The following CFAP65 variants were observed in gnomAD, a reference collection of about 807,000 sequenced individuals.
CFAP65 encodes the protein cilia- and flagella-associated protein 65.
Under a neutral mutation model 208.0 loss-of-function variants are expected in CFAP65, and 155 were observed. That is an observed-to-expected ratio of 0.75 (90% confidence interval 0.65 to 0.85). The LOEUF is 0.85. Among genes scored for constraint, CFAP65 ranks in the 40% least tolerant of loss-of-function variants. CFAP65 has a pLI of 0.00. For synonymous variants in CFAP65, 970 were observed against 986.3 expected, an observed-to-expected ratio of 0.98 and a Z score of 0.31; for missense variants, 2,294 against 2,451.3, an observed-to-expected ratio of 0.94 and a Z score of 1.36.
chr2:219,011,494 C>T (rs1946483181), intron 24 of CFAP65, among the ~76,000 whole-genome samples: 1 of 152,028 alleles, frequency 6.6e-6, no homozygotes, highest in Non-Finnish European at 1.5e-5. Context: ...GTTGGCCAGG[C>T]TGGTCTTGAA....
Position 219,031,423 on chromosome 2 carries a change from C to T in CFAP65, c.815+66G>A. On this transcript the variant is annotated intron_variant, in intron 7 of 34. Transcript: ENST00000341552. This position sits in a 1 kb window ranked among gnomAD's most constrained non-coding sequence, Gnocchi z 5.2. The stretch of plus-strand genomic sequence containing the variant: ...TACCCCGACAAGGGTATGCCTGTCT[C>T]TCCTGCTTCCAGACACCCTCCTCAC... 2.5e-6 allele frequency: 4 copies of T among 1,607,458 alleles called. No individual in the cohort carries two copies. Among genetic ancestry groups the T allele is most frequent in the Non-Finnish European group, 3.4e-6 (4 of 1,178,738 alleles).
rs115858652 is a variant in CFAP65 at position 219,011,216 on chromosome 2, G to A, written c.3958-220C>T. On this transcript the variant is annotated intron_variant, in intron 24 of 34. Coordinates refer to ENST00000341552, the MANE Select transcript of CFAP65 (RefSeq NM_194302.4). Reference sequence around the variant, plus strand: ...CTGTAATCTTATTTGTAAAGGAGTAGCTTATTTTATTTGTCTTCAGTTTAA... The same window carrying A: ...CTGTAATCTTATTTGTAAAGGAGTAACTTATTTTATTTGTCTTCAGTTTAA... Among the ~76,000 whole-genome samples the A allele has an allele frequency of 9.2e-3, 1,382 of 149,662 alleles. 18 individuals carry two copies. Among genetic ancestry groups the A allele is most frequent in the Non-Finnish European group, 0.013 (874 of 67,468 alleles).
chr2:219,010,231 T>C, intron 26 of CFAP65, 146 bp from the exon 27 acceptor site: 1 of 737,912 alleles, frequency 1.4e-6, no homozygotes, highest in Non-Finnish European at 2.1e-6. Flanking sequence ...TTTGACACCT[T>C]TCAACACCCC....
chr2:219,027,508 G>A, intron 13 of CFAP65, 142 bp downstream of exon 13: 5 of 1,601,908 alleles, frequency 3.1e-6, no homozygotes, highest in Non-Finnish European at 4.3e-6. Context: ...AAACTCATAG[G>A]GGTCACTGTC....
Position 219,032,668 on chromosome 2 carries a change from G to A in CFAP65, c.543-96C>T, listed in dbSNP as rs781464832. ...GGAAGCCCTGCAGCCAAGGGAGCTT[G>A]AGTCCCTGGGACCACAGAGAAAGCG... On this transcript the variant is annotated intron_variant, in intron 5 of 34. Coordinates refer to ENST00000341552, the MANE Select transcript of CFAP65 (RefSeq NM_194302.4). This position sits in a 1 kb window ranked among gnomAD's most constrained non-coding sequence, Gnocchi z 5.5. The A allele has an allele frequency of 7.7e-6, 8 of 1,036,646 alleles. No individual in the cohort carries two copies. The highest frequency in any genetic ancestry group is 1.1e-5 in the Non-Finnish European group (8 of 703,656). The allele number at this position is 1,036,646 out of a possible 1,614,324, so 64.2% of individuals were successfully genotyped here.
At position 219,003,192 on chromosome 2, in the gene CFAP65, TC is replaced by T; in HGVS notation, c.5635del (p.Glu1879ArgfsTer22). On this transcript the variant is annotated frameshift_variant, in exon 34 of 35. Coordinates refer to ENST00000341552, the MANE Select transcript of CFAP65 (RefSeq NM_194302.4). LOFTEE classifies it high-confidence loss of function. The surrounding 1 kb of genome is among the most constrained non-coding windows in gnomAD (Gnocchi z 4.4). ...QNILVEASRG[E>X]VVLTSRPRVI... Reference sequence around the variant, plus strand: ...GCGTGGCCGCGAGGTGAGTACCACCTCCCCGCGGCTCGCCTCCACCAGGATG... The same window carrying T: ...GCGTGGCCGCGAGGTGAGTACCACCTCCCGCGGCTCGCCTCCACCAGGATG... 6.5e-7 allele frequency: 1 copy of T among 1,548,264 alleles called. No individual in the cohort carries two copies. Among genetic ancestry groups the T allele is most frequent in the African/African-American group, 1.4e-5 (1 of 73,074 alleles).
At position 219,009,913 on chromosome 2, in the gene CFAP65, G is replaced by C. The variant is rs767640459; in HGVS notation, c.4452+29C>G. 5 of 1,587,032 alleles carry C rather than the reference G, an allele frequency of 3.2e-6. No homozygotes were observed. In the Admixed American group the frequency reaches 8.8e-5, roughly 28 times the overall value. On this transcript the variant is annotated intron_variant, in intron 27 of 34. Coordinates refer to ENST00000341552, the MANE Select transcript of CFAP65 (RefSeq NM_194302.4). The stretch of plus-strand genomic sequence containing the variant: ...GGTTGGATGGGTCTGGAGCTCTGAT[G>C]GAGGTTCCAGGGCTCAGGGGACTCT...
At chr2:219,036,317 C>T (rs1948355695) in intron 4 of CFAP65, among the ~76,000 whole-genome samples, 1 of 152,178 alleles carries the variant, frequency 6.6e-6, no homozygotes, top group Non-Finnish European at 1.5e-5. Context: ...TATCCATCAC[C>T]CCTTTCTAGA....
rs772721842 is a variant in CFAP65 at position 219,021,758 on chromosome 2, G to A, written c.3130+22C>T. The stretch of plus-strand genomic sequence containing the variant: ...CCTCCTCCCACCTCCCCTGGCCCCA[G>A]TCCCAGCTCAGGCCCAAGTACCGAG... On this transcript the variant is annotated intron_variant, in intron 18 of 34. Transcript: ENST00000341552. 6.8e-6 allele frequency: 11 copies of A among 1,612,282 alleles called. No homozygotes were observed. The South Asian group carries it at 1.2e-4, about 18-fold the overall frequency.
chr2:219,029,764 C>G, intron 10 of CFAP65, 96 bp from the exon 11 acceptor site: 1 of 1,475,338 alleles, frequency 6.8e-7, no homozygotes, highest in East Asian at 2.3e-5. Context: ...GCTACAGGCC[C>G]AGAGCCCTGG....
Position 219,030,184 on chromosome 2 carries a change from T to C in CFAP65, c.1186A>G (p.Ile396Val), listed in dbSNP as rs1394918465. 3.1e-6 allele frequency: 5 copies of C among 1,613,854 alleles called. No individual in the cohort carries two copies. Among genetic ancestry groups the C allele is most frequent in the Admixed American group, 1.7e-5 (1 of 59,990 alleles). Reference sequence around the variant, plus strand: ...TCTTCGGCCAGTTCATCCGGGGAAATTTCAATCCTGAAGGGGGCATTTACC... The same window carrying C: ...TCTTCGGCCAGTTCATCCGGGGAAACTTCAATCCTGAAGGGGGCATTTACC... ...SAVNAPFRIEISPDELAEDQA... is the reference protein window; with the variant it reads ...SAVNAPFRIEVSPDELAEDQA... Residue 396 changes from isoleucine (I) to valine (V), a missense_variant, in exon 10 of 35, where the codon ATT (isoleucine) becomes GTT (valine). Transcript: ENST00000341552.
At position 219,028,248 on chromosome 2, in the gene CFAP65, TCTC is replaced by T. The variant is rs775415353; in HGVS notation, c.1801_1803del (p.Glu601del). The T allele has an allele frequency of 5.7e-4, 912 of 1,614,004 alleles. 6 individuals carry two copies. The highest frequency in any genetic ancestry group is 1.3e-3 in the South Asian group (122 of 91,076). On this transcript the variant is annotated inframe_deletion, in exon 12 of 35. Coordinates refer to ENST00000341552, the MANE Select transcript of CFAP65 (RefSeq NM_194302.4). Reference sequence around the variant, plus strand: ...CCGTTCTGGTCCTGTGCCAGCTTCTTCTCCTTCAGCATGGCATCCAGGATGTCA... The same window carrying T: ...CCGTTCTGGTCCTGTGCCAGCTTCTTCTTCAGCATGGCATCCAGGATGTCA...
intron 17 of CFAP65, 47 bp from the exon 18 acceptor site, chr2:219,021,977 C>T (rs1349591189): frequency 1.0e-5 from 16 of 1,606,728 alleles, no homozygotes; most frequent in Admixed American, 1.7e-5. Context: ...CCTCCAGGCC[C>T]ACAGCCCCAC....
rs1168981243 is a variant in CFAP65 at position 219,013,293 on chromosome 2, G to C, written c.3923C>G (p.Pro1308Arg). The change falls in exon 24 of 35, where the codon CCC (proline) becomes CGC (arginine). Residue 1308 changes from proline to arginine, a missense_variant. Around this residue, in one of 2 missense-constraint regions of CFAP65, gnomAD observed 1,427 missense variants for 1,438.7 expected, o/e 0.99. Coordinates refer to ENST00000341552, the MANE Select transcript of CFAP65 (RefSeq NM_194302.4). ...HFTSTTHQFIPIPIGDTLPPR... is the reference protein window; with the variant it reads ...HFTSTTHQFIRIPIGDTLPPR... Reference sequence around the variant, plus strand: ...GGGTAGCGTGTCACCAATGGGAATGGGGATGAACTGGTGGGTAGTAGAGGT... The same window carrying C: ...GGGTAGCGTGTCACCAATGGGAATGCGGATGAACTGGTGGGTAGTAGAGGT... 1 of 1,613,834 alleles carries C rather than the reference G, an allele frequency of 6.2e-7. No individual in the cohort carries two copies. Among genetic ancestry groups the C allele is most frequent in the Non-Finnish European group, 8.5e-7 (1 of 1,179,908 alleles).
In CFAP65 at chr2:219,021,943, G is replaced by C. The variant is rs756242032; in HGVS notation, c.2980-13C>G. On this transcript the variant is annotated splice_polypyrimidine_tract_variant and intron_variant, in intron 17 of 34. Transcript: ENST00000341552. ...CCTTTTCCTTTGCCTGGAGGCCACAGTCAGCCAGCCGGGAGTGGGAGCTCC... is the reference window on the plus strand; with the variant it reads ...CCTTTTCCTTTGCCTGGAGGCCACACTCAGCCAGCCGGGAGTGGGAGCTCC... The C allele has an allele frequency of 6.2e-7, 1 of 1,612,742 alleles. No homozygotes were observed. The highest frequency in any genetic ancestry group is 1.1e-5 in the South Asian group (1 of 91,016).
chr2:219,023,174 T>C (rs1348982621), intron 16 of CFAP65, 33 bp downstream of exon 16: 1 of 1,550,882 alleles, frequency 6.4e-7, no homozygotes, highest in Non-Finnish European at 8.8e-7. Context: ...GAAGTGAAGG[T>C]TGCCGTCACT....
chr2:219,026,838 T>C, intron 13 of CFAP65: 1 of 986,424 alleles, frequency 1.0e-6, no homozygotes, highest in Non-Finnish European at 1.2e-6. Flanking sequence ...TCTACAACCT[T>C]ATTCCTACAA....
intron 21 of CFAP65, chr2:219,015,202 C>A: frequency 6.7e-6 from 1 of 150,102 alleles, no homozygotes; most frequent in Non-Finnish European, 1.5e-5. Flanking sequence ...TGAGAGAAAG[C>A]ACACAACACA....
intron 14 of CFAP65, 94 bp downstream of exon 14, chr2:219,025,928 T>C: frequency 1.3e-6 from 2 of 1,484,812 alleles, no homozygotes; most frequent in Non-Finnish European, 9.3e-7. Context: ...GATGTGTTTC[T>C]GAGGCCATCA....
Sources: allele counts gnomAD v4.1 joint callset (sites outside exome capture counted in the v4.1 genomes callset), GRCh38; gene constraint gnomAD v4.1.1; regional missense constraint gnomAD v4.1.1; non-coding constraint Gnocchi (gnomAD v3.1); transcripts MANE v1.5; gene names NCBI Gene and HGNC (gene_info 2026-07-23, HGNC 2026-07-21).